EDA: variants seen among roughly 807,000 people sequenced by gnomAD.
EDA encodes the protein ectodysplasin A, also known as ectodysplasin-A.
A neutral mutation model predicts 23.6 loss-of-function variants in EDA; 2 were observed. The ratio of observed to expected loss-of-function variants is 0.08; its 90% confidence interval spans 0.03 to 0.27. The LOEUF (loss-of-function observed/expected upper bound fraction) is 0.27, where lower values mean the gene tolerates loss of function less well. Among genes scored for constraint, EDA ranks in the 10% least tolerant of loss-of-function variants. The pLI is 1.00. For synonymous variants in EDA, 131 were observed against 132.0 expected, an observed-to-expected ratio of 0.99 and a Z score of 0.05; for missense variants, 229 against 324.2, an observed-to-expected ratio of 0.71 and a Z score of 2.26.
intron 1 of EDA, among the ~76,000 whole-genome samples, chrX:69,733,945 G>A (rs1169164382): frequency 9.2e-6 from 1 of 108,931 alleles, no homozygotes; most frequent in Non-Finnish European, 1.9e-5. Flanking sequence ...GGTAATAATC[G>A]CTTCATATAA....
intron 1 of EDA, among the ~76,000 whole-genome samples, chrX:69,702,068 T>C (rs1364905799): frequency 9.0e-6 from 1 of 111,244 alleles, no homozygotes; most frequent in Non-Finnish European, 1.9e-5. Context: ...ATATAAGAGG[T>C]AGGGTCTTCT....
intron 1 of EDA, among the ~76,000 whole-genome samples, chrX:69,897,118 T>A (rs921952896): frequency 2.7e-5 from 3 of 110,708 alleles, no homozygotes; most frequent in Non-Finnish European, 5.7e-5. Context: ...GAGAAAAAAA[T>A]TTGCACAAAC....
At chrX:70,009,374 C>A (rs758464046) in intron 2 of EDA, among the ~76,000 whole-genome samples, 25 of 111,618 alleles carry the variant, frequency 2.2e-4, no homozygotes, top group Admixed American at 1.8e-3. Context: ...GATTTTATAT[C>A]TTTCTCCTAT....
At chrX:69,932,298 T>C (rs750670643) in intron 1 of EDA, among the ~76,000 whole-genome samples, 1 of 111,586 alleles carries the variant, frequency 9.0e-6, no homozygotes, top group East Asian at 2.8e-4. Flanking sequence ...CAGGTGTACA[T>C]AGATGTACAT....
chrX:69,739,702 CATGATCTAG>C (rs2013387534), intron 1 of EDA, among the ~76,000 whole-genome samples: 1 of 111,010 alleles, frequency 9.0e-6, no homozygotes, highest in Non-Finnish European at 1.9e-5. Context: ...CTTAATTTAT[CATGATCTAG>C]TTCATTTTTT....
intron 1 of EDA, among the ~76,000 whole-genome samples, chrX:69,624,719 A>G (rs905899407): frequency 9.4e-6 from 1 of 106,244 alleles, no homozygotes; most frequent in Non-Finnish European, 1.9e-5. Flanking sequence ...TCCCCTTGGG[A>G]GTTCTCCCTC....
chrX:69,711,398 T>C (rs1362929778), intron 1 of EDA, among the ~76,000 whole-genome samples: 1 of 111,712 alleles, frequency 9.0e-6, no homozygotes, highest in Admixed American at 9.5e-5. Flanking sequence ...AGTTTGCCAG[T>C]ATTTTATTGA....
intron 1 of EDA, among the ~76,000 whole-genome samples, chrX:69,872,001 A>C (rs758935927): frequency 9.0e-6 from 1 of 111,669 alleles, no homozygotes; most frequent in Non-Finnish European, 1.9e-5. Flanking sequence ...TGAGACAAAA[A>C]CATCAGGAAA....
At chrX:69,629,876 A>T (rs1434524556) in intron 1 of EDA, among the ~76,000 whole-genome samples, 3 of 111,199 alleles carry the variant, frequency 2.7e-5, no homozygotes, top group Non-Finnish European at 5.7e-5. Flanking sequence ...AGGTACCTCA[A>T]CTTCTTGGCT....
At chrX:69,881,618 G>A (rs966163933) in intron 1 of EDA, among the ~76,000 whole-genome samples, 1 of 111,583 alleles carries the variant, frequency 9.0e-6, no homozygotes, top group Admixed American at 9.5e-5. Flanking sequence ...CATTTGCTCT[G>A]TGGTTTTTGA....
intron 1 of EDA, among the ~76,000 whole-genome samples, chrX:69,744,235 A>C (rs891599428): frequency 3.7e-4 from 41 of 111,859 alleles, no homozygotes; most frequent in African/African-American, 1.1e-3. Flanking sequence ...CTTTCCCCAC[A>C]TTATCTCATT....
rs376682155 is a variant in EDA, at chrX:69,809,532, A to T, written c.397-147495A>T. Among the ~76,000 whole-genome samples the T allele has an allele frequency of 2.0e-4, 22 of 111,658 alleles. No homozygotes were observed. In the East Asian group the frequency reaches 3.1e-3, roughly 16 times the overall value. The stretch of plus-strand genomic sequence containing the variant: ...GCCAAACCATATCACTTCCACTGGG[A>T]TATTTTAGGTCAATGAGCACTATGA... On this transcript the variant is annotated intron_variant, in intron 1 of 7. Transcript: ENST00000374552.
chrX:69,771,100 A>G (rs193267479), intron 1 of EDA, among the ~76,000 whole-genome samples: 1,707 of 110,792 alleles, frequency 0.015, 31 homozygotes, highest in African/African-American at 0.054. Context: ...CTCTGTGGCC[A>G]GGCTGGAGTG....
intron 2 of EDA, among the ~76,000 whole-genome samples, chrX:69,978,502 C>CAAAAAAAAAA (rs1223244079): frequency 2.1e-5 from 1 of 46,961 alleles, no homozygotes; most frequent in African/African-American, 7.7e-5. Context: ...GAATCTGTCT[C>CAAAAAAAAAA]AAAAAAAAAA....
chrX:69,670,290 C>G, intron 1 of EDA: 2 of 356,961 alleles, frequency 5.6e-6, no homozygotes, highest in Non-Finnish European at 9.6e-6. Flanking sequence ...ATGGATATTC[C>G]TTTGTATGTG....
At chrX:69,932,600 A>G (rs111317242) in intron 1 of EDA, among the ~76,000 whole-genome samples, 2,355 of 112,069 alleles carry the variant, frequency 0.021, 55 homozygotes, top group African/African-American at 0.073. Context: ...TTTCTGTTCC[A>G]AGGTTACTAA....
intron 1 of EDA, among the ~76,000 whole-genome samples, chrX:69,814,984 C>T (rs1198834142): frequency 2.7e-5 from 3 of 111,575 alleles, no homozygotes; most frequent in Non-Finnish European, 5.7e-5. Context: ...GGATTCCCAG[C>T]AAGGCAGGAA....
In EDA at chrX:69,894,400, G is replaced by A. The variant is rs67801435; in HGVS notation, c.397-62627G>A. ...TGTTGGCTATTCGAGCTCCTTTTTG[G>A]TTCCAAACGAATATTTAAATTATTT... On this transcript the variant is annotated intron_variant, in intron 1 of 7. Coordinates refer to ENST00000374552, the MANE Select transcript of EDA (RefSeq NM_001399.5). 8.9e-3 allele frequency among the ~76,000 whole-genome samples: 988 copies of A among 111,477 alleles called. 8 individuals carry two copies. The highest frequency in any genetic ancestry group is 0.03 in the African/African-American group (929 of 30,680).
At chrX:69,689,193 C>T (rs1934630905) in intron 1 of EDA, among the ~76,000 whole-genome samples, 1 of 110,161 alleles carries the variant, frequency 9.1e-6, no homozygotes, top group Non-Finnish European at 1.9e-5. Context: ...ACGTATGAGT[C>T]GTATAACTGT....
Sources: gnomAD v4.1 joint callset for allele counts (sites outside exome capture counted in the v4.1 genomes callset) on GRCh38, gnomAD v4.1.1 for gene constraint, MANE v1.5 for transcripts, NCBI Gene and HGNC (gene_info 2026-07-23, HGNC 2026-07-21) for gene names.